The following GNA13 variants were observed in gnomAD, a reference collection of about 807,000 sequenced individuals.
GNA13 encodes the protein G protein subunit alpha 13, also known as guanine nucleotide-binding protein subunit alpha-13.
In GNA13, 4 loss-of-function variants were observed where a neutral mutation model predicts 33.5. The observed-to-expected ratio is 0.12, with a 90% CI of 0.06 to 0.27. The LOEUF is 0.27. Among genes scored for constraint, GNA13 ranks in the 10% least tolerant of loss-of-function variants. The probability of loss-of-function intolerance (pLI) is 1.00; values close to 1 mark genes in which losing one functional copy is unlikely to be tolerated. For missense variants in GNA13, 319 were observed against 487.2 expected, an observed-to-expected ratio of 0.65 and a Z score of 3.25; for synonymous variants, 176 against 183.8, an observed-to-expected ratio of 0.96 and a Z score of 0.34.
At chr17:65,033,233 C>A (rs868585950) in intron 2 of GNA13, among the ~76,000 whole-genome samples, 2 of 151,868 alleles carry the variant, frequency 1.3e-5, no homozygotes, top group South Asian at 4.2e-4. Context: ...ACCTGTAATC[C>A]CAATGCTTTG....
At position 65,010,653 on chromosome 17, in the gene GNA13, T is replaced by A. The variant is rs367935735; in HGVS notation, c.*3604A>T. On this transcript the variant is annotated 3_prime_UTR_variant, in exon 4 of 4. Transcript: ENST00000439174. ...GTCAGATTTCCAAGTGAAAAAGACA[T>A]GAGCAAAACTTCTGGTCTTAATTTC... 1 of 205,110 alleles carries A rather than the reference T, an allele frequency of 4.9e-6. No individual in the cohort carries two copies. The highest frequency in any genetic ancestry group is 1.0e-5 in the Non-Finnish European group (1 of 100,168). The allele number at this position is 205,110 out of a possible 1,614,324, so 12.7% of individuals were successfully genotyped here. A position where few individuals can be genotyped will look rare whatever the true frequency, so the allele number is the denominator to read the frequency against.
chr17:65,053,671 G>A lies in GNA13; in HGVS notation c.341C>T (p.Ser114Leu), dbSNP rs939582792. ...EKLHIPWGDNSNQQHGDKMMS... is the reference protein window; with the variant it reads ...EKLHIPWGDNLNQQHGDKMMS... ...CATCTTATCTCCATGTTGTTGGTTT[G>A]AGTTGTCTCCCCAGGGAATATGAAG... Residue 114 changes from serine to leucine, a missense_variant, in exon 2 of 4, where the codon TCA becomes TTA. By Grantham distance (145) the Ser-to-Leu change is moderately radical. Transcript: ENST00000439174. 3.1e-6 allele frequency: 5 copies of A among 1,613,852 alleles called. No homozygotes were observed. In the African/African-American group the frequency reaches 4.0e-5, roughly 13 times the overall value.
chr17:65,033,982 C>T (rs899430447), intron 2 of GNA13, among the ~76,000 whole-genome samples: 6 of 130,636 alleles, frequency 4.6e-5, no homozygotes, highest in Non-Finnish European at 9.3e-5. Context: ...TGCTACACTC[C>T]AGCCTGGGCA....
At chr17:65,018,366 GT>G in intron 2 of GNA13, 63 bp from the exon 3 acceptor site, 1 of 856,238 alleles carries the variant, frequency 1.2e-6, no homozygotes, top group Non-Finnish European at 2.0e-6. Flanking sequence ...TGTTACAACA[GT>G]TTACATCATA....
At chr17:65,018,644 A>G (rs758605114) in intron 2 of GNA13, among the ~76,000 whole-genome samples, 8 of 152,192 alleles carry the variant, frequency 5.3e-5, no homozygotes, top group Non-Finnish European at 7.3e-5. Flanking sequence ...GATAAAACAT[A>G]AATCTACATA....
chr17:65,043,979 G>A (rs892917337), intron 2 of GNA13, among the ~76,000 whole-genome samples: 3 of 152,220 alleles, frequency 2.0e-5, no homozygotes, highest in East Asian at 3.9e-4. Flanking sequence ...AAAACTAGCC[G>A]GGTGTGGTAG....
chr17:65,015,306 T>C (rs1306655257), intron 3 of GNA13, among the ~76,000 whole-genome samples: 1 of 152,174 alleles, frequency 6.6e-6, no homozygotes, highest in South Asian at 2.1e-4. Flanking sequence ...CTCTTGGTTC[T>C]AGCCAGAGTG....
intron 2 of GNA13, among the ~76,000 whole-genome samples, chr17:65,050,143 T>C (rs1907811436): frequency 6.6e-6 from 1 of 152,142 alleles, no homozygotes; most frequent in Non-Finnish European, 1.5e-5. Context: ...AGCAAACCAA[T>C]GCTGTGTTTG....
chr17:65,024,070 A>AGACTCATCTCTACAAAAAGT (rs1906685809), intron 2 of GNA13, among the ~76,000 whole-genome samples: 1 of 152,206 alleles, frequency 6.6e-6, no homozygotes, highest in African/African-American at 2.4e-5. Context: ...CCTAGGCAAC[A>AGACTCATCTCTACAAAAAGT]TACTGAGACT....
chr17:65,016,699 T>C (rs1179280177), intron 3 of GNA13, among the ~76,000 whole-genome samples: 2 of 152,226 alleles, frequency 1.3e-5, no homozygotes, highest in Non-Finnish European at 2.9e-5. Flanking sequence ...GGGTTCTTAG[T>C]TACTGGCAAC....
intron 2 of GNA13, among the ~76,000 whole-genome samples, chr17:65,046,343 T>A (rs975014245): frequency 3.3e-5 from 5 of 152,182 alleles, no homozygotes; most frequent in African/African-American, 1.2e-4. Context: ...CAGGCTGGAG[T>A]GCAATGGTGC....
intron 2 of GNA13, among the ~76,000 whole-genome samples, chr17:65,047,420 T>G (rs764372078): frequency 2.3e-4 from 35 of 152,132 alleles, no homozygotes; most frequent in Non-Finnish European, 4.3e-4. Context: ...GATAAAAACC[T>G]CTACTATCTC....
chr17:65,051,012 C>A (rs183275665), intron 2 of GNA13, among the ~76,000 whole-genome samples: 2 of 152,176 alleles, frequency 1.3e-5, no homozygotes, highest in African/African-American at 4.8e-5. Context: ...GGGATGCTTT[C>A]TCAACAATGA....
chr17:65,045,004 C>T (rs1408729684), intron 2 of GNA13, among the ~76,000 whole-genome samples: 1 of 147,990 alleles, frequency 6.8e-6, no homozygotes, highest in African/African-American at 2.5e-5. Context: ...GATCACGCCA[C>T]TGCACTCTAG....
At chr17:65,031,525 G>A (rs1907009800) in intron 2 of GNA13, among the ~76,000 whole-genome samples, 1 of 152,206 alleles carries the variant, frequency 6.6e-6, no homozygotes, top group Non-Finnish European at 1.5e-5. Context: ...AGTGATATCA[G>A]AGAAAACTGG....
intron 1 of GNA13, 34 bp downstream of exon 1, chr17:65,056,277 C>A: frequency 6.7e-7 from 1 of 1,490,672 alleles, no homozygotes; most frequent in South Asian, 1.2e-5. Flanking sequence ...GCCCCCCTGC[C>A]CTTAACCCCC....
Position 65,031,921 on chromosome 17 carries a change from A to AGTGTGTGTGT in GNA13, c.511-13628_511-13619dup, listed in dbSNP as rs148637639. On this transcript the variant is annotated intron_variant, in intron 2 of 3. Transcript: ENST00000439174. The stretch of plus-strand genomic sequence containing the variant: ...AAGAGAGAGAGAGAGAGAGAGAGAG[A>AGTGTGTGTGT]GTGTGTGTGTGTGTGTGTGTGTGTG... 4.8e-3 allele frequency among the ~76,000 whole-genome samples: 440 copies of AGTGTGTGTGT among 91,614 alleles called. 3 individuals carry two copies. Among genetic ancestry groups the AGTGTGTGTGT allele is most frequent in the African/African-American group, 6.9e-3 (141 of 20,518 alleles). 60.1% of individuals were successfully genotyped at this position (91,614 alleles called of 152,430 possible). A position where few individuals can be genotyped will look rare whatever the true frequency, so the allele number is the denominator to read the frequency against.
Position 65,056,566 on chromosome 17 carries a change from C to G in GNA13, c.28G>C (p.Val10Leu). Residue 10 changes from valine to leucine, a missense_variant, in exon 1 of 4, where the codon GTG becomes CTG. Around this residue, in one of 4 missense-constraint regions of GNA13, gnomAD observed 47 missense variants for 64.7 expected, o/e 0.73. Transcript: ENST00000439174. MADFLPSRS[V>L]LSVCFPGCLL... is the part of the protein sequence containing the mutation. The stretch of plus-strand genomic sequence containing the variant: ...CAGCCGGGGAAGCACACGGACAGCA[C>G]GGACCGCGACGGCAGGAAGTCCGCC... 2 of 1,608,264 alleles carry G rather than the reference C, an allele frequency of 1.2e-6. No homozygotes were observed. Among genetic ancestry groups the G allele is most frequent in the Non-Finnish European group, 1.7e-6 (2 of 1,178,344 alleles).
intron 2 of GNA13, among the ~76,000 whole-genome samples, chr17:65,047,377 A>G (rs980810505): frequency 3.3e-5 from 5 of 152,168 alleles, no homozygotes; most frequent in Non-Finnish European, 5.9e-5. Flanking sequence ...TAACAGAGTG[A>G]GACTCTGTCT....
Sources: gnomAD v4.1 joint callset for allele counts (sites outside exome capture counted in the v4.1 genomes callset) on GRCh38, gnomAD v4.1.1 for gene constraint, gnomAD v4.1.1 regional missense constraint, MANE v1.5 for transcripts, NCBI Gene and HGNC (gene_info 2026-07-23, HGNC 2026-07-21) for gene names.